The following RLBP1 variants were observed in gnomAD, a reference collection of about 807,000 sequenced individuals.
RLBP1 encodes retinaldehyde binding protein 1, also known as retinaldehyde-binding protein 1.
RLBP1 carries 26 observed loss-of-function variants against 36.2 expected under a neutral mutation model. The observed-to-expected ratio is 0.72, with a 90% CI of 0.53 to 1.00. The LOEUF is 1.00. Among genes scored for constraint, RLBP1 ranks in the 50% least tolerant of loss-of-function variants. RLBP1 has a pLI of 0.00. For synonymous variants in RLBP1, 155 were observed against 156.2 expected, an observed-to-expected ratio of 0.99 and a Z score of 0.06; for missense variants, 410 against 402.4, an observed-to-expected ratio of 1.02 and a Z score of -0.16.
intron 5 of RLBP1, 126 bp from the exon 6 acceptor site, chr15:89,215,364 C>A: frequency 2.5e-6 from 2 of 805,354 alleles, no homozygotes; most frequent in African/African-American, 1.7e-5. Flanking sequence ...GCTACTCAAC[C>A]TATCCGAGCC....
rs967103209 is a variant in RLBP1 at position 89,213,989 on chromosome 15, G to A, written c.525+1071C>T. ...AACATGCCACAAAATCTCTATCATCGAAACAGTATGATATTGGAGTATGAA... is the reference window on the plus strand; with the variant it reads ...AACATGCCACAAAATCTCTATCATCAAAACAGTATGATATTGGAGTATGAA... On this transcript the variant is annotated intron_variant, in intron 6 of 8. Coordinates refer to ENST00000268125, the MANE Select transcript of RLBP1 (RefSeq NM_000326.5). Among the ~76,000 whole-genome samples, 14 of 152,014 alleles carry A rather than the reference G, an allele frequency of 9.2e-5. 1 individual carries two copies. Among genetic ancestry groups the A allele is most frequent in the Admixed American group, 5.9e-4 (9 of 15,260 alleles).
chr15:89,212,585 CAA>C (rs112344412), intron 6 of RLBP1, among the ~76,000 whole-genome samples: 46,796 of 111,212 alleles, frequency 0.42, 8,229 homozygotes, highest in East Asian at 0.65. Context: ...AACTGTGTCT[CAA>C]AAAAAAAAAA....
In RLBP1 at chr15:89,215,351, C is replaced by A. The variant is rs548712317; in HGVS notation, c.347-113G>T. 26 of 999,390 alleles carry A rather than the reference C, an allele frequency of 2.6e-5. No homozygotes were observed. The African/African-American group carries it at 3.9e-4, about 15-fold the overall frequency. 61.9% of individuals were successfully genotyped at this position (999,390 alleles called of 1,614,324 possible). On this transcript the variant is annotated intron_variant, in intron 5 of 8. Coordinates refer to ENST00000268125, the MANE Select transcript of RLBP1 (RefSeq NM_000326.5). ...CTGCCAGGTCCTATGTGTGACCGAG[C>A]TGGCTACTCAACCTATCCGAGCCCC... is the stretch of plus-strand genomic sequence containing the variant.
In RLBP1 at chr15:89,218,133, G is replaced by A. The variant is rs2051597428; in HGVS notation, c.141+432C>T. ...TCACCTCTGAGCTAGTCCACCAACCGTCTTTCATAGATACAGAAGGCAAGA... is the reference window on the plus strand; with the variant it reads ...TCACCTCTGAGCTAGTCCACCAACCATCTTTCATAGATACAGAAGGCAAGA... On this transcript the variant is annotated intron_variant, in intron 4 of 8. Coordinates refer to ENST00000268125, the MANE Select transcript of RLBP1 (RefSeq NM_000326.5). The surrounding 1 kb of genome is among the most constrained non-coding windows in gnomAD (Gnocchi z 4.6). Among the ~76,000 whole-genome samples the A allele has an allele frequency of 6.6e-6, 1 of 152,148 alleles. No individual in the cohort carries two copies. The highest frequency in any genetic ancestry group is 1.5e-5 in the Non-Finnish European group (1 of 68,026).
Position 89,217,115 on chromosome 15 carries a change from C to G in RLBP1, c.346+5G>C. 6.3e-7 allele frequency: 1 copy of G among 1,577,058 alleles called. No homozygotes were observed. On this transcript the variant is annotated splice_donor_5th_base_variant and intron_variant, in intron 5 of 8. Transcript: ENST00000268125. The stretch of plus-strand genomic sequence containing the variant: ...CAGGGCCGTCCCTCCAAGCACTGGC[C>G]TCACCTCTGAGCAGCTCATAGGCAC...
chr15:89,218,981 C>T lies in RLBP1; in HGVS notation c.-6G>A. 1.2e-6 allele frequency: 2 copies of T among 1,614,138 alleles called. No individual in the cohort carries two copies. Among genetic ancestry groups the T allele is most frequent in the Non-Finnish European group, 1.7e-6 (2 of 1,180,014 alleles). The stretch of plus-strand genomic sequence containing the variant: ...GTACTTACCCCTTCTGACATGTTGC[C>T]TATGGAAGACACAGAGTCCTTGGAA... On this transcript the variant is annotated 5_prime_UTR_variant, in exon 3 of 9. Transcript: ENST00000268125. The surrounding 1 kb of genome is among the most constrained non-coding windows in gnomAD (Gnocchi z 4.6).
Position 89,219,088 on chromosome 15 carries a change from G to T in RLBP1, c.-100-13C>A. ...TAGGAAGTCAGGGCTGCAGGGGTTAGAAAAACCATTCTGTTATTGTCTCAG... is the reference window on the plus strand; with the variant it reads ...TAGGAAGTCAGGGCTGCAGGGGTTATAAAAACCATTCTGTTATTGTCTCAG... On this transcript the variant is annotated splice_polypyrimidine_tract_variant and intron_variant, in intron 2 of 8. Transcript: ENST00000268125. 1 of 1,201,722 alleles carries T rather than the reference G, an allele frequency of 8.3e-7. No homozygotes were observed. Among genetic ancestry groups the T allele is most frequent in the South Asian group, 1.2e-5 (1 of 81,936 alleles). The allele number at this position is 1,201,722 out of a possible 1,614,324, so 74.4% of individuals were successfully genotyped here. A position where few individuals can be genotyped will look rare whatever the true frequency, so the allele number is the denominator to read the frequency against.
rs1477994067 is a variant in RLBP1, at chr15:89,219,050, C to G, written c.-75G>C. On this transcript the variant is annotated 5_prime_UTR_variant, in exon 3 of 9. Transcript: ENST00000268125. ...CTCTGTCCTGGCCTCTCCAGCCGGC[C>G]CCTTCCCTAGGATAGGAAGTCAGGG... 6.3e-7 allele frequency: 1 copy of G among 1,591,506 alleles called. No individual in the cohort carries two copies. The highest frequency in any genetic ancestry group is 1.3e-5 in the African/African-American group (1 of 74,502).
chr15:89,218,270 TC>T lies in RLBP1; in HGVS notation c.141+294del, dbSNP rs1400405523. 6.6e-6 allele frequency among the ~76,000 whole-genome samples: 1 copy of T among 152,226 alleles called. No homozygotes were observed. The highest frequency in any genetic ancestry group is 2.4e-5 in the African/African-American group (1 of 41,460). On this transcript the variant is annotated intron_variant, in intron 4 of 8. Transcript: ENST00000268125. The surrounding 1 kb of genome is among the most constrained non-coding windows in gnomAD (Gnocchi z 4.6). ...GCAGGGGCAGCAGTTGGATCCTTGT[TC>T]CCCGGGGCCATTTCCAAACCAATGC...
Position 89,210,893 on chromosome 15 carries a change from G to A in RLBP1, c.685-84C>T. The A allele has an allele frequency of 1.1e-6, 1 of 922,130 alleles. No homozygotes were observed. The highest frequency in any genetic ancestry group is 1.7e-6 in the Non-Finnish European group (1 of 585,128). The allele number at this position is 922,130 out of a possible 1,614,324, so 57.1% of individuals were successfully genotyped here. A position where few individuals can be genotyped will look rare whatever the true frequency, so the allele number is the denominator to read the frequency against. ...CTCATTCCCTGCTGCCTCTCCTCAT[G>A]GCATAGAACAGACTTGTCCAGCATC... On this transcript the variant is annotated intron_variant, in intron 7 of 8. Coordinates refer to ENST00000268125, the MANE Select transcript of RLBP1 (RefSeq NM_000326.5). This position sits in a 1 kb window ranked among gnomAD's most constrained non-coding sequence, Gnocchi z 4.7.
Position 89,211,997 on chromosome 15 carries a change from G to T in RLBP1, c.526-96C>A. ...AGAGCTAATTGGTACATTCTTCACT[G>T]GGGTAATTTGCTGCAGGCTTTGATC... is the stretch of plus-strand genomic sequence containing the variant. On this transcript the variant is annotated intron_variant, in intron 6 of 8. Coordinates refer to ENST00000268125, the MANE Select transcript of RLBP1 (RefSeq NM_000326.5). The surrounding 1 kb of genome is among the most constrained non-coding windows in gnomAD (Gnocchi z 5.8). 1 of 1,280,778 alleles carries T rather than the reference G, an allele frequency of 7.8e-7. No individual in the cohort carries two copies. The highest frequency in any genetic ancestry group is 1.1e-6 in the Non-Finnish European group (1 of 898,176). 79.3% of individuals were successfully genotyped at this position (1,280,778 alleles called of 1,614,324 possible).
intron 6 of RLBP1, among the ~76,000 whole-genome samples, chr15:89,212,283 T>G (rs937928100): frequency 2.6e-5 from 4 of 152,158 alleles, no homozygotes; most frequent in Non-Finnish European, 2.9e-5. Context: ...ATCCCATTAT[T>G]GTAAGAAAAA....
Position 89,210,152 on chromosome 15 carries a change from G to A in RLBP1, c.*133C>T, listed in dbSNP as rs962576073. On this transcript the variant is annotated 3_prime_UTR_variant, in exon 9 of 9. Coordinates refer to ENST00000268125, the MANE Select transcript of RLBP1 (RefSeq NM_000326.5). This position sits in a 1 kb window ranked among gnomAD's most constrained non-coding sequence, Gnocchi z 4.7. ...CCAACTTGAGAACAGGGTGACACCT[G>A]AGCTCACTCGGGCTTAGGGAGTCTA... 4 of 996,646 alleles carry A rather than the reference G, an allele frequency of 4.0e-6. No homozygotes were observed. The African/African-American group carries it at 4.7e-5, about 12-fold the overall frequency. 61.7% of individuals were successfully genotyped at this position (996,646 alleles called of 1,614,324 possible).
Position 89,210,562 on chromosome 15 carries a change from C to T in RLBP1, c.796-119G>A, listed in dbSNP as rs2051529051. On this transcript the variant is annotated intron_variant, in intron 8 of 8. Transcript: ENST00000268125. The surrounding 1 kb of genome is among the most constrained non-coding windows in gnomAD (Gnocchi z 4.7). ...CATGTGCAGTCTTTGCCTGGCGACA[C>T]CTCTCTCCGCAGGTCTCCATGTTGG... 3 of 1,299,004 alleles carry T rather than the reference C, an allele frequency of 2.3e-6. No individual in the cohort carries two copies. The highest frequency in any genetic ancestry group is 1.5e-5 in the African/African-American group (1 of 68,712). 80.5% of individuals were successfully genotyped at this position (1,299,004 alleles called of 1,614,324 possible).
In RLBP1 at chr15:89,210,161, C is replaced by T. The variant is rs777959935; in HGVS notation, c.*124G>A. 26 of 1,118,698 alleles carry T rather than the reference C, an allele frequency of 2.3e-5. No individual in the cohort carries two copies. The highest frequency in any genetic ancestry group is 3.2e-5 in the Non-Finnish European group (24 of 745,288). 69.3% of individuals were successfully genotyped at this position (1,118,698 alleles called of 1,614,324 possible). A position where few individuals can be genotyped will look rare whatever the true frequency, so the allele number is the denominator to read the frequency against. ...GAACAGGGTGACACCTGAGCTCACT[C>T]GGGCTTAGGGAGTCTAAGGGGGGAC... On this transcript the variant is annotated 3_prime_UTR_variant, in exon 9 of 9. Coordinates refer to ENST00000268125, the MANE Select transcript of RLBP1 (RefSeq NM_000326.5). The surrounding 1 kb of genome is among the most constrained non-coding windows in gnomAD (Gnocchi z 4.7).
chr15:89,218,507 A>G lies in RLBP1; in HGVS notation c.141+58T>C. ...TTTTCACAGGAGAGAGAATGCAGTCATGTTCCCCTCATGTTGCCTCCCTAG... is the reference window on the plus strand; with the variant it reads ...TTTTCACAGGAGAGAGAATGCAGTCGTGTTCCCCTCATGTTGCCTCCCTAG... On this transcript the variant is annotated intron_variant, in intron 4 of 8. Coordinates refer to ENST00000268125, the MANE Select transcript of RLBP1 (RefSeq NM_000326.5). The surrounding 1 kb of genome is among the most constrained non-coding windows in gnomAD (Gnocchi z 4.6). The G allele has an allele frequency of 1.2e-6, 2 of 1,611,722 alleles. No homozygotes were observed. The highest frequency in any genetic ancestry group is 1.3e-5 in the African/African-American group (1 of 75,030).
intron 4 of RLBP1, among the ~76,000 whole-genome samples, chr15:89,217,869 TC>T (rs2051595178): frequency 1.3e-5 from 2 of 151,930 alleles, no homozygotes; most frequent in Non-Finnish European, 1.5e-5. Flanking sequence ...CTCACATTCC[TC>T]CCCTCTGCTG....
chr15:89,219,032 C>T lies in RLBP1; in HGVS notation c.-57G>A, dbSNP rs556214654. Reference sequence around the variant, plus strand: ...AAAGAAGGGATCTGCTTTCTCTGTCCTGGCCTCTCCAGCCGGCCCCTTCCC... The same window carrying T: ...AAAGAAGGGATCTGCTTTCTCTGTCTTGGCCTCTCCAGCCGGCCCCTTCCC... On this transcript the variant is annotated 5_prime_UTR_variant, in exon 3 of 9. Coordinates refer to ENST00000268125, the MANE Select transcript of RLBP1 (RefSeq NM_000326.5). 2.5e-6 allele frequency: 4 copies of T among 1,612,386 alleles called. No homozygotes were observed. Among genetic ancestry groups the T allele is most frequent in the East Asian group, 4.5e-5 (2 of 44,884 alleles).
rs2051599176 is a variant in RLBP1 at position 89,218,370 on chromosome 15, G to A, written c.141+195C>T. On this transcript the variant is annotated intron_variant, in intron 4 of 8. Transcript: ENST00000268125. The surrounding 1 kb of genome is among the most constrained non-coding windows in gnomAD (Gnocchi z 4.6). ...CTGTAGTCTTGGGTTGGGCTGGCCT[G>A]GCTGGGTGTCTGGTCAACCCAGTTG... Among the ~76,000 whole-genome samples, 2 of 152,230 alleles carry A rather than the reference G, an allele frequency of 1.3e-5. No individual in the cohort carries two copies. The highest frequency in any genetic ancestry group is 2.1e-4 in the South Asian group (1 of 4,826).
Sources: allele counts gnomAD v4.1 joint callset (sites outside exome capture counted in the v4.1 genomes callset), GRCh38; gene constraint gnomAD v4.1.1; non-coding constraint Gnocchi (gnomAD v3.1); transcripts MANE v1.5; gene names NCBI Gene and HGNC (gene_info 2026-07-23, HGNC 2026-07-21).